TRPM7: variants seen among roughly 807,000 people sequenced by gnomAD.
The protein encoded by TRPM7 is LTRPC ion channel family member 7.
TRPM7 carries 134 observed loss-of-function variants against 229.7 expected under a neutral mutation model. The observed-to-expected ratio is 0.58, with a 90% CI of 0.51 to 0.67. The LOEUF (loss-of-function observed/expected upper bound fraction) is 0.67. Among genes scored for constraint, TRPM7 ranks in the 30% least tolerant of loss-of-function variants. The pLI is 0.00. For missense variants in TRPM7, 1,901 were observed against 2,210.0 expected, an observed-to-expected ratio of 0.86 and a Z score of 2.80; for synonymous variants, 699 against 715.2, an observed-to-expected ratio of 0.98 and a Z score of 0.36.
At chr15:50,592,656 A>G (rs1427459866) in intron 25 of TRPM7, 30 bp from the exon 26 acceptor site, 1 of 1,393,188 alleles carries the variant, frequency 7.2e-7, no homozygotes, top group African/African-American at 1.4e-5. Flanking sequence ...TTTTTTTACA[A>G]ATGTGAAAAA....
intron 12 of TRPM7, among the ~76,000 whole-genome samples, chr15:50,622,612 C>T (rs1284001348): frequency 1.3e-5 from 2 of 152,076 alleles, no homozygotes; most frequent in African/African-American, 4.8e-5. Context: ...GAAGCTGGGC[C>T]CAGTGGCTCA....
intron 6 of TRPM7, among the ~76,000 whole-genome samples, chr15:50,638,087 C>T (rs2060962683): frequency 6.6e-6 from 1 of 151,814 alleles, no homozygotes; most frequent in African/African-American, 2.4e-5. Flanking sequence ...AGGCCGGGCG[C>T]GGTGGCTCAC....
chr15:50,590,050 G>C (rs2059447920), intron 26 of TRPM7, among the ~76,000 whole-genome samples: 2 of 152,000 alleles, frequency 1.3e-5, no homozygotes, highest in Admixed American at 1.3e-4. Flanking sequence ...TAGAGACAGG[G>C]TTTCACCATG....
Position 50,580,892 on chromosome 15 carries a change from C to A in TRPM7, c.4574G>T (p.Arg1525Ile). The A allele has an allele frequency of 6.3e-7, 1 of 1,585,968 alleles. No individual in the cohort carries two copies. Among genetic ancestry groups the A allele is most frequent in the Non-Finnish European group, 8.5e-7 (1 of 1,171,220 alleles). The change falls in exon 30 of 39, where the codon AGA becomes ATA. Residue 1525 changes from arginine (R) to isoleucine (I), a missense_variant. Physicochemically the swap from Arg to Ile is moderately conservative, Grantham distance 97. This residue lies in a region of TRPM7 where 533 missense variants were observed against 497.1 expected (regional missense o/e 1.07). Coordinates refer to ENST00000646667, the MANE Select transcript of TRPM7 (RefSeq NM_017672.6). Reference sequence around the variant, plus strand: ...TACTTACATTTCTCTGTTTGATGGTCTATCTTGTAACCAATCCTTCAGTAA... The same window carrying A: ...TACTTACATTTCTCTGTTTGATGGTATATCTTGTAACCAATCCTTCAGTAA... ...AALIPDWLQDRPSNREMPSEE... is the reference protein window; with the variant it reads ...AALIPDWLQDIPSNREMPSEE...
intron 1 of TRPM7, among the ~76,000 whole-genome samples, chr15:50,666,558 C>T (rs1365616432): frequency 6.6e-6 from 1 of 151,812 alleles, no homozygotes; most frequent in Non-Finnish European, 1.5e-5. Context: ...AATCCCAGCA[C>T]TTTGGGAGGC....
intron 1 of TRPM7, among the ~76,000 whole-genome samples, chr15:50,682,956 G>C (rs1279693100): frequency 6.6e-6 from 1 of 151,508 alleles, no homozygotes; most frequent in Non-Finnish European, 1.5e-5. Flanking sequence ...GAGTGCAGTG[G>C]CATGATCTCA....
chr15:50,642,992 A>G (rs1244061140), intron 5 of TRPM7, among the ~76,000 whole-genome samples: 1 of 152,164 alleles, frequency 6.6e-6, no homozygotes, highest in Non-Finnish European at 1.5e-5. Flanking sequence ...TCTAATTGCT[A>G]TTATAAAAAA....
intron 38 of TRPM7, among the ~76,000 whole-genome samples, chr15:50,565,147 A>G (rs2053538640): frequency 6.6e-6 from 1 of 152,116 alleles, no homozygotes; most frequent in South Asian, 2.1e-4. Context: ...ACGCCCAGCT[A>G]ATTTTTGTAT....
At chr15:50,647,532 T>A (rs1256497612) in intron 4 of TRPM7, among the ~76,000 whole-genome samples, 1 of 152,048 alleles carries the variant, frequency 6.6e-6, no homozygotes, top group East Asian at 1.9e-4. Flanking sequence ...GATCATGAGG[T>A]CAGGAGATGG....
intron 3 of TRPM7, among the ~76,000 whole-genome samples, chr15:50,655,851 A>G (rs2061550851): frequency 6.6e-6 from 1 of 152,040 alleles, no homozygotes; most frequent in African/African-American, 2.4e-5. Flanking sequence ...TTAGCCAGGC[A>G]TGGTGGTGTG....
Position 50,609,741 on chromosome 15 carries a change from A to T in TRPM7, c.2437-17T>A. 11 of 1,578,860 alleles carry T rather than the reference A, an allele frequency of 7.0e-6. No homozygotes were observed. The highest frequency in any genetic ancestry group is 9.4e-6 in the Non-Finnish European group (11 of 1,167,572). ...AAACACTTCCTAAAATTAAAAAAAA[A>T]AAAATTCTTTTGTACAATTATTCAG... On this transcript the variant is annotated splice_polypyrimidine_tract_variant and intron_variant, in intron 18 of 38. Transcript: ENST00000646667.
At chr15:50,662,623 C>T (rs751816843) in intron 2 of TRPM7, among the ~76,000 whole-genome samples, 1 of 152,116 alleles carries the variant, frequency 6.6e-6, no homozygotes, top group African/African-American at 2.4e-5. Flanking sequence ...AATAGATACA[C>T]AAATTTAAGT....
At position 50,575,130 on chromosome 15, in the gene TRPM7, G is replaced by A; in HGVS notation, c.4741C>T (p.Pro1581Ser). ...TCTTCCAAACGATACACTGTGACAG[G>A]CTCCCCTGCAACACAAATGGAAAAA... Reference protein sequence around the residue: ...PFTPVPPRGEPVTVYRLEESS... With the variant: ...PFTPVPPRGESVTVYRLEESS... The change falls in exon 34 of 39, where the codon CCT (proline) becomes TCT (serine). Residue 1581 changes from proline (P) to serine (S), a missense_variant. By Grantham distance (74) the Pro-to-Ser change is moderately conservative (BLOSUM62 -1). This residue lies in a region of TRPM7 where 257 missense variants were observed against 352.0 expected (regional missense o/e 0.73). Coordinates refer to ENST00000646667, the MANE Select transcript of TRPM7 (RefSeq NM_017672.6). 1 of 1,582,116 alleles carries A rather than the reference G, an allele frequency of 6.3e-7. No homozygotes were observed. The highest frequency in any genetic ancestry group is 8.6e-7 in the Non-Finnish European group (1 of 1,161,772).
intron 19 of TRPM7, 66 bp from the exon 20 acceptor site, chr15:50,607,394 T>C (rs2059946651): frequency 2.2e-6 from 3 of 1,337,860 alleles, no homozygotes; most frequent in East Asian, 2.4e-5. Flanking sequence ...ATTATGAACA[T>C]TTTCAAACAC....
chr15:50,648,971 T>A, intron 3 of TRPM7, 86 bp from the exon 4 acceptor site: 1 of 987,758 alleles, frequency 1.0e-6, no homozygotes, highest in Non-Finnish European at 1.4e-6. Flanking sequence ...AACCGACAAA[T>A]ATAAGCTTTA....
At chr15:50,581,445 G>A (rs910979327) in intron 29 of TRPM7, among the ~76,000 whole-genome samples, 20 of 151,786 alleles carry the variant, frequency 1.3e-4, no homozygotes, top group African/African-American at 4.8e-4. Context: ...GTTGCAGTGA[G>A]CCAAGATCGT....
chr15:50,576,186 C>T (rs2054123403), intron 31 of TRPM7, among the ~76,000 whole-genome samples: 1 of 152,224 alleles, frequency 6.6e-6, no homozygotes, highest in South Asian at 2.1e-4. Flanking sequence ...AAACTCACTC[C>T]TCCCATACCT....
In TRPM7 at chr15:50,596,274, G is replaced by T. The variant is rs1175851274; in HGVS notation, c.3271C>A (p.Leu1091Ile). 1.3e-6 allele frequency: 2 copies of T among 1,537,768 alleles called. No individual in the cohort carries two copies. The highest frequency in any genetic ancestry group is 1.8e-6 in the Non-Finnish European group (2 of 1,142,276). Residue 1091 changes from leucine to isoleucine, a missense_variant, in exon 23 of 39, where the codon CTT becomes ATT. Transcript: ENST00000646667. ...TCTTACTTGAAAAATGCAATAAGAA[G>T]ATTAACCATAATGATATACTGTACA... ...LFVQYIIMVN[L>I]LIAFFNNVYL...
intron 11 of TRPM7, among the ~76,000 whole-genome samples, chr15:50,627,501 C>T (rs896996198): frequency 1.6e-4 from 25 of 152,018 alleles, no homozygotes; most frequent in Admixed American, 6.6e-5. Context: ...AGAACGTCAA[C>T]AAGGTTAGAT....
Sources: gnomAD v4.1 joint callset for allele counts (sites outside exome capture counted in the v4.1 genomes callset) on GRCh38, gnomAD v4.1.1 for gene constraint, gnomAD v4.1.1 regional missense constraint, MANE v1.5 for transcripts, NCBI Gene and HGNC (gene_info 2026-07-23, HGNC 2026-07-21) for gene names.